The following NKAIN3 variants were observed in gnomAD, a reference collection of about 807,000 sequenced individuals.
NKAIN3 encodes sodium/potassium transporting ATPase interacting 3, also known as sodium/potassium-transporting ATPase subunit beta-1-interacting protein 3.
A neutral mutation model predicts 30.2 loss-of-function variants in NKAIN3; 25 were observed. The observed-to-expected ratio is 0.83, with a 90% CI of 0.60 to 1.16. NKAIN3 has a LOEUF of 1.16. NKAIN3 is among the 50% of genes most tolerant of loss of function. The pLI is 0.00. For missense variants in NKAIN3, 225 were observed against 254.1 expected, an observed-to-expected ratio of 0.89 and a Z score of 0.78; for synonymous variants, 91 against 89.6, an observed-to-expected ratio of 1.02 and a Z score of -0.09.
intron 5 of NKAIN3, among the ~76,000 whole-genome samples, chr8:62,939,180 C>A (rs1822876189): frequency 6.6e-6 from 1 of 151,990 alleles, no homozygotes; most frequent in Non-Finnish European, 1.5e-5. Context: ...AAGGCTTTTG[C>A]ATTAATCCAA....
intron 3 of NKAIN3, among the ~76,000 whole-genome samples, chr8:62,709,334 T>C (rs1462314642): frequency 2.0e-5 from 3 of 152,122 alleles, no homozygotes; most frequent in African/African-American, 7.2e-5. Flanking sequence ...AATTCAGCTG[T>C]GAATCCATCT....
chr8:62,254,499 C>T (rs1465143609), intron 1 of NKAIN3, among the ~76,000 whole-genome samples: 3 of 151,912 alleles, frequency 2.0e-5, no homozygotes, highest in African/African-American at 7.3e-5. Flanking sequence ...AAAGAATCAA[C>T]TTACTTTAAA....
At chr8:62,445,809 CTG>C (rs1563402250) in intron 1 of NKAIN3, among the ~76,000 whole-genome samples, 1 of 152,124 alleles carries the variant, frequency 6.6e-6, no homozygotes, top group East Asian at 1.9e-4. Context: ...ATATTGAAGT[CTG>C]GGGACTGGGA....
intron 4 of NKAIN3, chr8:62,856,555 C>A: frequency 1.3e-6 from 1 of 781,886 alleles, no homozygotes; most frequent in Non-Finnish European, 2.3e-6. Flanking sequence ...GGCTTAGGCA[C>A]TGTCATTGCC....
At chr8:62,397,033 G>T (rs546375059) in intron 1 of NKAIN3, among the ~76,000 whole-genome samples, 5 of 152,116 alleles carry the variant, frequency 3.3e-5, no homozygotes, top group African/African-American at 1.2e-4. Flanking sequence ...GATATGTGGG[G>T]TGTTCTTTGG....
At chr8:62,337,825 A>G (rs1815615457) in intron 1 of NKAIN3, among the ~76,000 whole-genome samples, 1 of 152,034 alleles carries the variant, frequency 6.6e-6, no homozygotes. Context: ...CACTGAATTA[A>G]TTTCACAACT....
chr8:62,432,104 T>C (rs954619483), intron 1 of NKAIN3, among the ~76,000 whole-genome samples: 3 of 151,872 alleles, frequency 2.0e-5, no homozygotes, highest in Admixed American at 6.6e-5. Context: ...CTCAATTTGC[T>C]TCTCCTTAAA....
chr8:62,786,349 T>C (rs1817516795), intron 4 of NKAIN3, among the ~76,000 whole-genome samples: 2 of 152,112 alleles, frequency 1.3e-5, no homozygotes, highest in African/African-American at 4.8e-5. Flanking sequence ...TTATTAAGTG[T>C]CTTTCATTTT....
At chr8:62,268,724 G>T (rs1433642186) in intron 1 of NKAIN3, among the ~76,000 whole-genome samples, 1 of 152,072 alleles carries the variant, frequency 6.6e-6, no homozygotes, top group African/African-American at 2.4e-5. Flanking sequence ...TTCACCCAAG[G>T]TCACATTGCT....
intron 3 of NKAIN3, among the ~76,000 whole-genome samples, chr8:62,651,479 A>G (rs771019331): frequency 6.6e-6 from 1 of 152,188 alleles, no homozygotes; most frequent in Non-Finnish European, 1.5e-5. Context: ...TCAAGCTGCT[A>G]TAACAAAATA....
chr8:62,743,088 C>A (rs1815957176), intron 3 of NKAIN3, among the ~76,000 whole-genome samples: 1 of 152,172 alleles, frequency 6.6e-6, no homozygotes, highest in South Asian at 2.1e-4. Flanking sequence ...ATTATGGGAA[C>A]TACAATTCAA....
chr8:62,333,550 T>A (rs569283911), intron 1 of NKAIN3, among the ~76,000 whole-genome samples: 46 of 152,236 alleles, frequency 3.0e-4, no homozygotes, highest in African/African-American at 1.1e-3. Flanking sequence ...TCTCTCGTTG[T>A]TTTATGAAGT....
intron 1 of NKAIN3, among the ~76,000 whole-genome samples, chr8:62,472,028 T>TAAAA (rs55865884): frequency 7.1e-6 from 1 of 140,436 alleles, no homozygotes; most frequent in African/African-American, 2.7e-5. Context: ...AGACTCTGTT[T>TAAAA]AAAAAAAAAA....
chr8:62,578,508 C>G (rs956295982), intron 1 of NKAIN3, among the ~76,000 whole-genome samples: 1 of 151,738 alleles, frequency 6.6e-6, no homozygotes, highest in Non-Finnish European at 1.5e-5. Context: ...AGTCTTGAGC[C>G]CAGAGTAAGT....
chr8:62,403,301 G>C (rs1375233632), intron 1 of NKAIN3, among the ~76,000 whole-genome samples: 1 of 152,220 alleles, frequency 6.6e-6, no homozygotes, highest in Non-Finnish European at 1.5e-5. Flanking sequence ...ATTTTCTGGG[G>C]AGAAATACAA....
At chr8:62,469,589 T>C (rs1314153907) in intron 1 of NKAIN3, among the ~76,000 whole-genome samples, 3 of 152,088 alleles carry the variant, frequency 2.0e-5, no homozygotes, top group Non-Finnish European at 4.4e-5. Context: ...TCCCCTTTCA[T>C]CTCCCCTTAC....
chr8:62,982,722 T>G lies in NKAIN3; in HGVS notation c.*17315T>G. On this transcript the variant is annotated 3_prime_UTR_variant, in exon 7 of 7. Transcript: ENST00000623646. ...CTCTTCTAGAAGAATGCCCAGATTT[T>G]TTTTCAGTTCCAAAGTTATCAAAAT... The G allele has an allele frequency of 6.6e-6, 1 of 152,204 alleles. No individual in the cohort carries two copies. The highest frequency in any genetic ancestry group is 2.4e-5 in the African/African-American group (1 of 41,444). The allele number at this position is 152,204 out of a possible 1,614,324, so 9.4% of individuals were successfully genotyped here. A position where few individuals can be genotyped will look rare whatever the true frequency, so the allele number is the denominator to read the frequency against.
intron 1 of NKAIN3, among the ~76,000 whole-genome samples, chr8:62,495,009 G>A (rs992284979): frequency 6.6e-6 from 1 of 151,986 alleles, no homozygotes; most frequent in Non-Finnish European, 1.5e-5. Context: ...CAATTTGGGA[G>A]GGAAAGAACA....
intron 1 of NKAIN3, among the ~76,000 whole-genome samples, chr8:62,310,874 G>C (rs1814405483): frequency 1.3e-5 from 2 of 150,224 alleles, no homozygotes; most frequent in Non-Finnish European, 2.9e-5. Flanking sequence ...GATGACACTA[G>C]TATCACTCCA....
Sources: gnomAD v4.1 joint callset for allele counts (sites outside exome capture counted in the v4.1 genomes callset) on GRCh38, gnomAD v4.1.1 for gene constraint, MANE v1.5 for transcripts, NCBI Gene and HGNC (gene_info 2026-07-23, HGNC 2026-07-21) for gene names.